The following HSP90AA1 variants were observed in gnomAD, a reference collection of about 807,000 sequenced individuals.
HSP90AA1 encodes the protein heat shock protein HSP 90-alpha.
In HSP90AA1, 18 loss-of-function variants were observed where a neutral mutation model predicts 73.3. The ratio of observed to expected loss-of-function variants is 0.25; its 90% CI spans 0.17 to 0.36. The LOEUF (loss-of-function observed/expected upper bound fraction) is 0.36. HSP90AA1 is among the 10% of genes least tolerant of loss of function. The pLI, the probability that HSP90AA1 is intolerant of heterozygous loss-of-function variation, is 1.00. For synonymous variants in HSP90AA1, 477 were observed against 296.9 expected (o/e 1.61, Z -6.24); for missense variants, 704 against 874.2 (o/e 0.81, Z 2.45).
chr14:102,098,806 TC>T, intron 2 of HSP90AA1, among the ~76,000 whole-genome samples: 1 of 151,724 alleles, frequency 6.6e-6, no homozygotes, highest in East Asian at 1.9e-4. Flanking sequence ...AGTGATACAG[TC>T]CTTGAGCCGC....
At chr14:102,134,318 GTC>G (rs1217544969) in intron 1 of HSP90AA1, among the ~76,000 whole-genome samples, 3 of 79,282 alleles carry the variant, frequency 3.8e-5, no homozygotes, top group Admixed American at 2.0e-4. Context: ...GCAAGGCTCT[GTC>G]TCAAAAAAAA....
Position 102,084,475 on chromosome 14 carries a change from T to C in HSP90AA1, c.1071A>G (p.Lys357=), listed in dbSNP as rs765421533. 5.6e-6 allele frequency: 9 copies of C among 1,614,008 alleles called. No homozygotes were observed. Among genetic ancestry groups the C allele is most frequent in the African/African-American group, 1.3e-5 (1 of 75,068 alleles). ...GTACATACAATTTGATGTTGTTCTT[T>C]TTCTTTCTGTTTTCAAACAGATCAA... ...APFDLFENRK[K]KNNIKLYVRR... is the part of the protein sequence containing the mutation. Residue 357 remains lysine (K), a synonymous_variant, in exon 6 of 11, where the codon AAA becomes AAG. Transcript: ENST00000216281.
At chr14:102,106,766 ACTC>A (rs943571234) in intron 1 of HSP90AA1, among the ~76,000 whole-genome samples, 1 of 151,170 alleles carries the variant, frequency 6.6e-6, no homozygotes, top group Non-Finnish European at 1.5e-5. Flanking sequence ...CTGGTCTTGA[ACTC>A]CTGACCTCAG....
chr14:102,087,047 C>G (rs1260834726), upstream of HSP90AA1: 1 of 985,462 alleles, frequency 1.0e-6, no homozygotes, highest in South Asian at 4.7e-5. Context: ...AAGCAACTGA[C>G]GCGCCACCCC....
In HSP90AA1 at chr14:102,081,089, G is replaced by A; in HGVS notation, c.*623C>T. The A allele has an allele frequency of 4.4e-6, 1 of 228,604 alleles. No individual in the cohort carries two copies. Among genetic ancestry groups the A allele is most frequent in the African/African-American group, 2.2e-5 (1 of 45,136 alleles). The allele number at this position is 228,604 out of a possible 1,614,324, so 14.2% of individuals were successfully genotyped here. On this transcript the variant is annotated 3_prime_UTR_variant, in exon 11 of 11. Coordinates refer to ENST00000216281, the MANE Select transcript of HSP90AA1 (RefSeq NM_005348.4). ...TATTTGTTACAACTTTAAGCAGAAT[G>A]TGACTCGAGCACTACATTTCCATCC... is the stretch of plus-strand genomic sequence containing the variant.
At chr14:102,109,374 T>TGTGGGAGGGAGCTG (rs1466765421) in intron 1 of HSP90AA1, among the ~76,000 whole-genome samples, 8 of 152,154 alleles carry the variant, frequency 5.3e-5, no homozygotes, top group Admixed American at 4.6e-4. Context: ...TCCTACATGT[T>TGTGGGAGGGAGCTG]GTGGGAGGGA....
intron 1 of HSP90AA1, among the ~76,000 whole-genome samples, chr14:102,122,809 A>AGG (rs2049795838): frequency 6.6e-6 from 1 of 151,736 alleles, no homozygotes; most frequent in Non-Finnish European, 1.5e-5. Context: ...CTGGGATTAC[A>AGG]GGTGCCTGCC....
chr14:102,099,460 A>G (rs1270312447), intron 2 of HSP90AA1, among the ~76,000 whole-genome samples: 1 of 152,218 alleles, frequency 6.6e-6, no homozygotes, highest in Non-Finnish European at 1.5e-5. Flanking sequence ...TGGGAGGCTG[A>G]GGCAGGAGAA....
At chr14:102,103,572 G>T (rs1050314229) in intron 1 of HSP90AA1, among the ~76,000 whole-genome samples, 3 of 151,970 alleles carry the variant, frequency 2.0e-5, no homozygotes, top group Non-Finnish European at 4.4e-5. Flanking sequence ...GGGAGGCCGA[G>T]GGGGGTGGAT....
intron 1 of HSP90AA1, among the ~76,000 whole-genome samples, chr14:102,135,949 AG>A (rs2049988540): frequency 6.6e-6 from 1 of 152,176 alleles, no homozygotes; most frequent in African/African-American, 2.4e-5. Context: ...CAGCCCAGAA[AG>A]GGGCTCCCAC....
At chr14:102,094,401 T>C (rs537090670) in intron 2 of HSP90AA1, among the ~76,000 whole-genome samples, 1 of 152,338 alleles carries the variant, frequency 6.6e-6, no homozygotes, top group East Asian at 1.9e-4. Context: ...TCCTGACCAT[T>C]GTGGTCGAGG....
At chr14:102,087,360 C>G (rs1595661156), upstream of HSP90AA1, among the ~76,000 whole-genome samples, 1 of 151,434 alleles carries the variant, frequency 6.6e-6, no homozygotes, top group South Asian at 2.1e-4. Flanking sequence ...TGGGGCCGCC[C>G]GCGCCCTCCG....
chr14:102,102,012 T>G, exon 2 of HSP90AA1: 1 of 1,613,792 alleles, frequency 6.2e-7, no homozygotes, highest in Non-Finnish European at 8.5e-7. Flanking sequence ...CAGAGTAGAG[T>G]GGTGGATCCA....
At chr14:102,082,505 A>G in intron 9 of HSP90AA1, 61 bp from the exon 10 acceptor site, 1 of 1,371,824 alleles carries the variant, frequency 7.3e-7, no homozygotes, top group Non-Finnish European at 1.0e-6. Context: ...TTTCATTGTG[A>G]AATGAAATCT....
intron 10 of HSP90AA1, 75 bp from the exon 11 acceptor site, chr14:102,081,896 A>T: frequency 1.2e-6 from 1 of 828,526 alleles, no homozygotes; most frequent in Admixed American, 1.7e-5. Flanking sequence ...CTTGGTTTCT[A>T]TCTGCTTTCA....
At chr14:102,081,896 A>G in intron 10 of HSP90AA1, 75 bp from the exon 11 acceptor site, 1 of 828,526 alleles carries the variant, frequency 1.2e-6, no homozygotes. Context: ...CTTGGTTTCT[A>G]TCTGCTTTCA....
At chr14:102,106,367 G>T (rs929430596) in intron 1 of HSP90AA1, among the ~76,000 whole-genome samples, 1 of 151,998 alleles carries the variant, frequency 6.6e-6, no homozygotes, top group Non-Finnish European at 1.5e-5. Context: ...CAGTGAGCAG[G>T]GAAGAGCCAT....
intron 1 of HSP90AA1, among the ~76,000 whole-genome samples, chr14:102,126,827 C>T (rs183421161): frequency 1.5e-3 from 225 of 152,268 alleles, no homozygotes; most frequent in Non-Finnish European, 6.9e-4. Flanking sequence ...TGCGCCCGGC[C>T]GACTAGATTC....
At chr14:102,087,127 C>T (rs2049263876), upstream of HSP90AA1, 1 of 984,576 alleles carries the variant, frequency 1.0e-6, no homozygotes, top group Non-Finnish European at 1.2e-6. Flanking sequence ...CCCGAACCTT[C>T]CGGAAGAACC....
Sources: gnomAD v4.1 joint callset for allele counts (sites outside exome capture counted in the v4.1 genomes callset) on GRCh38, gnomAD v4.1.1 for gene constraint, MANE v1.5 for transcripts, NCBI Gene and HGNC (gene_info 2026-07-23, HGNC 2026-07-21) for gene names.